The following RUNDC3A variants were observed in gnomAD, a reference collection of about 807,000 sequenced individuals.
RUNDC3A encodes RUN domain-containing protein 3A.
In RUNDC3A, 28 loss-of-function variants were observed where a neutral mutation model predicts 53.9. The observed-to-expected ratio is 0.52, with a 90% CI of 0.38 to 0.71. The LOEUF (loss-of-function observed/expected upper bound fraction) is 0.71. Ranked by LOEUF, RUNDC3A falls within the 30% of genes least tolerant of loss-of-function variation. The pLI is 0.00. For missense variants in RUNDC3A, 491 were observed against 597.3 expected (o/e 0.82, Z 1.85); for synonymous variants, 232 against 249.4 (o/e 0.93, Z 0.66).
chr17:44,309,056 A>T (rs2047698435), intron 1 of RUNDC3A, 117 bp downstream of exon 1: 2 of 699,238 alleles, frequency 2.9e-6, no homozygotes. Context: ...AGGGTCGAGA[A>T]TAATGCGTCC....
chr17:44,314,147 C>T, intron 4 of RUNDC3A: 1 of 992,886 alleles, frequency 1.0e-6, no homozygotes, highest in Non-Finnish European at 1.2e-6. Flanking sequence ...TCTGTCTCTC[C>T]AAACAACGAA....
rs1267355363 is a variant in RUNDC3A at position 44,308,803 on chromosome 17, G to A, written c.-30G>A. ...GCTCCGGGAGGGGTGGGGGGGCAGC[G>A]GGCGGCGGCAGCAGTGGCCGCACAT... On this transcript the variant is annotated 5_prime_UTR_variant, in exon 1 of 11. Transcript: ENST00000426726. 2.0e-6 allele frequency: 3 copies of A among 1,484,672 alleles called. No homozygotes were observed. Among genetic ancestry groups the A allele is most frequent in the South Asian group, 2.5e-5 (2 of 81,114 alleles). The allele number at this position is 1,484,672 out of a possible 1,614,324, so 92.0% of individuals were successfully genotyped here.
intron 1 of RUNDC3A, among the ~76,000 whole-genome samples, chr17:44,312,264 C>T (rs758813406): frequency 5.9e-5 from 9 of 152,136 alleles, no homozygotes; most frequent in Non-Finnish European, 1.2e-4. Flanking sequence ...TGTGCCTCAT[C>T]TTCCTATTTT....
At chr17:44,310,591 G>A (rs770766063) in intron 1 of RUNDC3A, 20 of 500,950 alleles carry the variant, frequency 4.0e-5, no homozygotes, top group Non-Finnish European at 5.2e-5. Context: ...CCTCATCACT[G>A]TCACATGGTT....
rs377627146 is a variant in RUNDC3A, at chr17:44,315,192, G to T, written c.667G>T (p.Ala223Ser). 6.4e-7 allele frequency: 1 copy of T among 1,559,328 alleles called. No homozygotes were observed. The highest frequency in any genetic ancestry group is 2.4e-5 in the East Asian group (1 of 41,476). Residue 223 changes from alanine (A) to serine (S), a missense_variant, in exon 7 of 11, where the codon GCC becomes TCC. Ala to Ser is a moderately conservative substitution (Grantham distance 99). This residue lies in a region of RUNDC3A where 273 missense variants were observed against 389.0 expected (regional missense o/e 0.70). Coordinates refer to ENST00000426726, the MANE Select transcript of RUNDC3A (RefSeq NM_001144825.2). This position sits in a 1 kb window ranked among gnomAD's most constrained non-coding sequence, Gnocchi z 6.1. ...GACGGACGAGGAGGAGCGGCACAGC[G>T]CCGAGAGCAGCACGAGCGAGGACAA... ...YLTDEEERHS[A>S]ESSTSEDNSP...
chr17:44,318,425 A>C lies in RUNDC3A; in HGVS notation c.*187A>C, dbSNP rs545719761. On this transcript the variant is annotated 3_prime_UTR_variant, in exon 11 of 11. Coordinates refer to ENST00000426726, the MANE Select transcript of RUNDC3A (RefSeq NM_001144825.2). ...GCCTTGGCAGCACGGGCTGCGGAAGAAAGCACGCTGGGCCAGGAGGCAGGG... is the reference window on the plus strand; with the variant it reads ...GCCTTGGCAGCACGGGCTGCGGAAGCAAGCACGCTGGGCCAGGAGGCAGGG... 1.3e-3 allele frequency: 873 copies of C among 686,804 alleles called. 9 individuals carry two copies. Among genetic ancestry groups the C allele is most frequent in the Non-Finnish European group, 8.1e-4 (340 of 422,210 alleles). 42.5% of individuals were successfully genotyped at this position (686,804 alleles called of 1,614,324 possible).
At chr17:44,316,303 C>T in intron 8 of RUNDC3A, 82 bp from the exon 9 acceptor site, 1 of 1,351,246 alleles carries the variant, frequency 7.4e-7, no homozygotes, top group Non-Finnish European at 1.0e-6. Context: ...TCATTCCTGA[C>T]CCCTCCCTCA....
intron 4 of RUNDC3A, 34 bp downstream of exon 4, chr17:44,313,537 T>G (rs750745817): frequency 5.0e-6 from 8 of 1,595,648 alleles, no homozygotes; most frequent in Admixed American, 3.4e-5. Context: ...ACCACAGGTC[T>G]CAGAGTGCAC....
At chr17:44,317,786 C>A in intron 10 of RUNDC3A, 3 of 598,812 alleles carry the variant, frequency 5.0e-6, no homozygotes, top group Non-Finnish European at 6.0e-6. Flanking sequence ...CGTGTCTTGT[C>A]CGTTCTCTGT....
At position 44,315,677 on chromosome 17, in the gene RUNDC3A, C is replaced by A; in HGVS notation, c.953+68C>A. 85 of 1,258,706 alleles carry A rather than the reference C, an allele frequency of 6.8e-5. No individual in the cohort carries two copies. Among genetic ancestry groups the A allele is most frequent in the South Asian group, 8.0e-5 (4 of 50,082 alleles). 78.0% of individuals were successfully genotyped at this position (1,258,706 alleles called of 1,614,324 possible). On this transcript the variant is annotated intron_variant, in intron 8 of 10. Transcript: ENST00000426726. This position sits in a 1 kb window ranked among gnomAD's most constrained non-coding sequence, Gnocchi z 6.1. ...GACCACATCACCGGGTGAACCCCATCTTCACTTCCATCGACTCTAACATCA... is the reference window on the plus strand; with the variant it reads ...GACCACATCACCGGGTGAACCCCATATTCACTTCCATCGACTCTAACATCA...
intron 2 of RUNDC3A, among the ~76,000 whole-genome samples, 165 bp from the exon 3 acceptor site, chr17:44,312,939 C>T (rs536863999): frequency 6.6e-6 from 1 of 152,350 alleles, no homozygotes; most frequent in East Asian, 1.9e-4. Context: ...CTACAATCCC[C>T]ATCATGGGCA....
chr17:44,314,835 C>T lies in RUNDC3A; in HGVS notation c.548+11C>T. 1 of 1,613,922 alleles carries T rather than the reference C, an allele frequency of 6.2e-7. No homozygotes were observed. Among genetic ancestry groups the T allele is most frequent in the African/African-American group, 1.3e-5 (1 of 75,058 alleles). ...CGCCATCGACTTCAGGTGGGGTCTG[C>T]CTGACGGCAGTGGTGGAGGGGGCTG... On this transcript the variant is annotated intron_variant, in intron 5 of 10. Transcript: ENST00000426726.
At chr17:44,317,171 G>C in intron 10 of RUNDC3A, 1 of 509,736 alleles carries the variant, frequency 2.0e-6, no homozygotes, top group Non-Finnish European at 3.5e-6. Context: ...TGAGGGTTTA[G>C]CACAGCAATC....
intron 10 of RUNDC3A, chr17:44,317,788 G>A (rs948091648): frequency 8.7e-5 from 52 of 597,316 alleles, no homozygotes; most frequent in Admixed American, 1.8e-4. Flanking sequence ...TGTCTTGTCC[G>A]TTCTCTGTAT....
At chr17:44,317,754 T>C in intron 10 of RUNDC3A, 1 of 607,770 alleles carries the variant, frequency 1.6e-6, no homozygotes. Flanking sequence ...CACCAGACTG[T>C]GAGCTCCATG....
Position 44,312,570 on chromosome 17 carries a change from C to T in RUNDC3A, c.108-10C>T, listed in dbSNP as rs767062157. 7.8e-6 allele frequency: 12 copies of T among 1,531,454 alleles called. No homozygotes were observed. The highest frequency in any genetic ancestry group is 1.1e-5 in the Non-Finnish European group (12 of 1,127,252). The allele number at this position is 1,531,454 out of a possible 1,614,324, so 94.9% of individuals were successfully genotyped here. On this transcript the variant is annotated splice_polypyrimidine_tract_variant and intron_variant, in intron 1 of 10. Transcript: ENST00000426726. The stretch of plus-strand genomic sequence containing the variant: ...ACCCCACTGCCCCATCTCCCCACCT[C>T]GCCGCCCAGGTTCTCTGTGAAAACG...
Position 44,316,722 on chromosome 17 carries a change from A to G in RUNDC3A, c.1195A>G (p.Ile399Val). The change falls in exon 10 of 11, where the codon ATC becomes GTC. Residue 399 changes from isoleucine (I) to valine (V), a missense_variant. Transcript: ENST00000426726. ...GCGGGACGAGGAGCCCTGGGGTCCC[A>G]TCGGTGAGCTCCCCCAACCCAACAC... is the stretch of plus-strand genomic sequence containing the variant. Reference protein sequence around the residue: ...GTRDEEPWGPIGKDPTPSMLG... With the variant: ...GTRDEEPWGPVGKDPTPSMLG... 1 of 1,547,320 alleles carries G rather than the reference A, an allele frequency of 6.5e-7. No homozygotes were observed.
chr17:44,310,599 G>C (rs2047731182), intron 1 of RUNDC3A: 1 of 590,150 alleles, frequency 1.7e-6, no homozygotes, highest in African/African-American at 2.0e-5. Flanking sequence ...CTGTCACATG[G>C]TTTGCCTCCA....
At position 44,310,910 on chromosome 17, in the gene RUNDC3A, CAG is replaced by C. The variant is rs2047736978; in HGVS notation, c.108-1669_108-1668del. 1.6e-5 allele frequency: 16 copies of C among 985,490 alleles called. No homozygotes were observed. In the South Asian group the frequency reaches 5.6e-4, roughly 35 times the overall value. The allele number at this position is 985,490 out of a possible 1,614,324, so 61.0% of individuals were successfully genotyped here. On this transcript the variant is annotated intron_variant, in intron 1 of 10. Transcript: ENST00000426726. ...AACACAGGCTGGCTCTCAGCAGGGCCAGCCTTCCCAGCCACGACCCCGCTCCT... is the reference window on the plus strand; with the variant it reads ...AACACAGGCTGGCTCTCAGCAGGGCCCCTTCCCAGCCACGACCCCGCTCCT...
Sources: allele counts gnomAD v4.1 joint callset (sites outside exome capture counted in the v4.1 genomes callset), GRCh38; gene constraint gnomAD v4.1.1; regional missense constraint gnomAD v4.1.1; non-coding constraint Gnocchi (gnomAD v3.1); transcripts MANE v1.5; gene names NCBI Gene and HGNC (gene_info 2026-07-23, HGNC 2026-07-21).